SORCS2: variants seen among roughly 807,000 people sequenced by gnomAD.
SORCS2 encodes the protein sortilin related VPS10 domain containing receptor 2.
SORCS2 carries 100 observed loss-of-function variants against 141.6 expected under a neutral mutation model. The observed-to-expected ratio is 0.71, with a 90% CI of 0.60 to 0.83. SORCS2 has a LOEUF of 0.83. Among genes scored for constraint, SORCS2 ranks in the 40% least tolerant of loss-of-function variants. The pLI is 0.00. For synonymous variants in SORCS2, 789 were observed against 676.9 expected (o/e 1.17, Z -2.57); for missense variants, 1,646 against 1,560.2 (o/e 1.05, Z -0.93).
chr4:7,359,479 G>A (rs529000765), intron 1 of SORCS2, among the ~76,000 whole-genome samples: 1 of 152,302 alleles, frequency 6.6e-6, no homozygotes, highest in African/African-American at 2.4e-5. Flanking sequence ...ATGTGCTCAG[G>A]GGAGCTGCTG....
At chr4:7,695,928 G>GATGGA (rs1560490997) in intron 11 of SORCS2, among the ~76,000 whole-genome samples, 1 of 65,320 alleles carries the variant, frequency 1.5e-5, no homozygotes, top group African/African-American at 6.2e-5. Flanking sequence ...GGATGGATTG[G>GATGGA]TGGGTGGGTG....
At chr4:7,372,954 GCA>G (rs1458034125) in intron 1 of SORCS2, among the ~76,000 whole-genome samples, 1 of 151,300 alleles carries the variant, frequency 6.6e-6, no homozygotes, top group East Asian at 1.9e-4. Flanking sequence ...TGTGAATGAG[GCA>G]CAGTTTGCTG....
chr4:7,587,900 A>C, intron 3 of SORCS2, among the ~76,000 whole-genome samples: 1 of 152,206 alleles, frequency 6.6e-6, no homozygotes, highest in East Asian at 1.9e-4. Context: ...TCTCTGTAGC[A>C]ACAACAAAAA....
intron 1 of SORCS2, among the ~76,000 whole-genome samples, chr4:7,289,933 C>A (rs1367704055): frequency 1.3e-5 from 2 of 152,190 alleles, no homozygotes; most frequent in African/African-American, 4.8e-5. Context: ...TGATCGCAGC[C>A]AGGGGACAAG....
chr4:7,610,985 C>T (rs540386501), intron 3 of SORCS2, among the ~76,000 whole-genome samples: 83 of 152,292 alleles, frequency 5.5e-4, no homozygotes, highest in Admixed American at 2.2e-3. Flanking sequence ...AGCCCACTCC[C>T]GCACGCGTGC....
Position 7,682,860 on chromosome 4 carries a change from A to T in SORCS2, c.1459A>T (p.Met487Leu), listed in dbSNP as rs754706263. The T allele has an allele frequency of 6.2e-7, 1 of 1,613,620 alleles. No homozygotes were observed. Among genetic ancestry groups the T allele is most frequent in the Admixed American group, 1.7e-5 (1 of 59,990 alleles). Residue 487 changes from methionine to leucine, a missense_variant, in exon 10 of 27, where the codon ATG (methionine) becomes TTG (leucine). By Grantham distance (15) the Met-to-Leu change is conservative (BLOSUM62 2). Transcript: ENST00000507866. ...WDYLRPPSMD[M>L]NGKPTNCKPP... ...TTACCTGAGGCCACCCAGCATGGAC[A>T]TGAATGGAAAACCAACCAACTGCAA... is the stretch of plus-strand genomic sequence containing the variant.
At chr4:7,412,302 A>G (rs1489571440) in intron 2 of SORCS2, among the ~76,000 whole-genome samples, 2 of 152,186 alleles carry the variant, frequency 1.3e-5, no homozygotes, top group South Asian at 2.1e-4. Context: ...TCTCAGGGAA[A>G]AAGCAAACTG....
At chr4:7,376,688 T>C (rs1362353200) in intron 1 of SORCS2, among the ~76,000 whole-genome samples, 1 of 152,268 alleles carries the variant, frequency 6.6e-6, no homozygotes, top group African/African-American at 2.4e-5. Flanking sequence ...TATGTGTCCA[T>C]ACATATGCAT....
At chr4:7,697,099 C>G in intron 11 of SORCS2, 99 bp from the exon 12 acceptor site, 2 of 1,018,696 alleles carry the variant, frequency 2.0e-6, no homozygotes, top group East Asian at 5.3e-5. Flanking sequence ...ACCCGGGGCA[C>G]TGGCCACCGT....
intron 2 of SORCS2, among the ~76,000 whole-genome samples, chr4:7,528,525 A>G (rs1733840104): frequency 6.6e-6 from 1 of 152,102 alleles, no homozygotes; most frequent in Admixed American, 6.5e-5. Context: ...TCCTGGGTTC[A>G]AGAGATTCTC....
intron 12 of SORCS2, among the ~76,000 whole-genome samples, chr4:7,702,248 G>A (rs565900765): frequency 6.6e-6 from 1 of 152,262 alleles, no homozygotes; most frequent in East Asian, 1.9e-4. Flanking sequence ...AAGGGTGGGA[G>A]GGCAAAGGGG....
At chr4:7,673,388 T>C (rs916414513) in intron 8 of SORCS2, among the ~76,000 whole-genome samples, 6 of 152,222 alleles carry the variant, frequency 3.9e-5, no homozygotes, top group Admixed American at 1.3e-4. Flanking sequence ...CTCGCAGTTA[T>C]GTTGAGAACG....
At chr4:7,226,364 C>T (rs1027673765) in intron 1 of SORCS2, among the ~76,000 whole-genome samples, 12 of 152,200 alleles carry the variant, frequency 7.9e-5, no homozygotes, top group African/African-American at 2.9e-4. Context: ...CCTTGCTGGA[C>T]CTCTGCGTGT....
chr4:7,250,679 C>T (rs955321683), intron 1 of SORCS2, among the ~76,000 whole-genome samples: 8 of 152,166 alleles, frequency 5.3e-5, no homozygotes, highest in Non-Finnish European at 7.3e-5. Flanking sequence ...TTCATGTATT[C>T]GGGGAGTGCG....
chr4:7,222,063 C>T (rs1228099193), intron 1 of SORCS2, among the ~76,000 whole-genome samples: 1 of 152,100 alleles, frequency 6.6e-6, no homozygotes, highest in African/African-American at 2.4e-5. Context: ...TGGAGCCCAC[C>T]AGACAAGGGG....
chr4:7,698,972 C>T (rs1288299698), intron 12 of SORCS2, among the ~76,000 whole-genome samples: 2 of 152,094 alleles, frequency 1.3e-5, no homozygotes, highest in Admixed American at 1.3e-4. Flanking sequence ...GGCTTCCTAT[C>T]GTGCCCAGGT....
chr4:7,680,457 C>A (rs1283141464), intron 9 of SORCS2, among the ~76,000 whole-genome samples: 1 of 152,232 alleles, frequency 6.6e-6, no homozygotes, highest in Non-Finnish European at 1.5e-5. Context: ...GGGCCAGGGG[C>A]CCCATCTGTA....
chr4:7,697,144 G>T, intron 11 of SORCS2, 54 bp from the exon 12 acceptor site: 1 of 1,463,510 alleles, frequency 6.8e-7, no homozygotes, highest in South Asian at 1.2e-5. Flanking sequence ...ACTTGTTAAA[G>T]GGGTAAAGCT....
At chr4:7,591,535 G>C (rs540380497) in intron 3 of SORCS2, among the ~76,000 whole-genome samples, 2 of 152,340 alleles carry the variant, frequency 1.3e-5, no homozygotes, top group South Asian at 4.1e-4. Context: ...ACTTTTGGCT[G>C]TGGCAGAGCC....
Sources: gnomAD v4.1 joint callset for allele counts (sites outside exome capture counted in the v4.1 genomes callset) on GRCh38, gnomAD v4.1.1 for gene constraint, MANE v1.5 for transcripts, NCBI Gene and HGNC (gene_info 2026-07-23, HGNC 2026-07-21) for gene names.